Variants in CDK8 observed in about 807,000 individuals in gnomAD.
CDK8 encodes the protein cyclin-dependent kinase 8.
CDK8 carries 29 observed loss-of-function variants against 71.5 expected under a neutral mutation model. The observed-to-expected ratio is 0.41, with a 90% CI of 0.30 to 0.55. The LOEUF is 0.55. Among genes scored for constraint, CDK8 ranks in the 20% least tolerant of loss-of-function variants. CDK8 has a pLI of 0.37. For synonymous variants in CDK8, 161 were observed against 192.1 expected, an observed-to-expected ratio of 0.84 and a Z score of 1.34; for missense variants, 288 against 572.6, an observed-to-expected ratio of 0.50 and a Z score of 5.07.
chr13:26,393,557 G>A (rs751415326), intron 7 of CDK8, 47 bp downstream of exon 7: 1 of 1,586,712 alleles, frequency 6.3e-7, no homozygotes, highest in Non-Finnish European at 8.6e-7. Flanking sequence ...ACTGTTGTTT[G>A]AACTTAGATG....
chr13:26,330,429 T>A (rs1187872073), intron 1 of CDK8, among the ~76,000 whole-genome samples: 1 of 152,178 alleles, frequency 6.6e-6, no homozygotes, highest in Non-Finnish European at 1.5e-5. Flanking sequence ...GGCCTCAAAC[T>A]CCTGACCTCA....
At chr13:26,342,626 G>A (rs1294300711) in intron 2 of CDK8, among the ~76,000 whole-genome samples, 1 of 152,114 alleles carries the variant, frequency 6.6e-6, no homozygotes, top group African/African-American at 2.4e-5. Context: ...TTACTTCAAG[G>A]TAATTGTCCA....
intron 1 of CDK8, among the ~76,000 whole-genome samples, chr13:26,329,244 A>C (rs1214855072): frequency 6.6e-6 from 1 of 152,262 alleles, no homozygotes; most frequent in African/African-American, 2.4e-5. Flanking sequence ...TTTTTTAACC[A>C]ATCCTTTGCG....
intron 6 of CDK8, 61 bp downstream of exon 6, chr13:26,385,403 C>A: frequency 2.3e-5 from 31 of 1,350,216 alleles, no homozygotes; most frequent in Non-Finnish European, 3.1e-5. Context: ...GACACACATT[C>A]CTATATATTT....
Position 26,254,623 on chromosome 13 carries a change from G to T in CDK8, c.-19G>T. Reference sequence around the variant, plus strand: ...CCCCGGCCCCCCGACCCAGCTCTCCGGCCTCAGAGGCTGTGACAATGGACT... The same window carrying T: ...CCCCGGCCCCCCGACCCAGCTCTCCTGCCTCAGAGGCTGTGACAATGGACT... On this transcript the variant is annotated 5_prime_UTR_variant, in exon 1 of 13. Coordinates refer to ENST00000381527, the MANE Select transcript of CDK8 (RefSeq NM_001260.3). This position sits in a 1 kb window ranked among gnomAD's most constrained non-coding sequence, Gnocchi z 6.7. The T allele has an allele frequency of 1.5e-6, 2 of 1,355,052 alleles. No individual in the cohort carries two copies. The highest frequency in any genetic ancestry group is 1.0e-6 in the Non-Finnish European group (1 of 977,104). 83.9% of individuals were successfully genotyped at this position (1,355,052 alleles called of 1,614,324 possible). A position where few individuals can be genotyped will look rare whatever the true frequency, so the allele number is the denominator to read the frequency against.
At chr13:26,399,254 T>TTGC (rs1876142543) in intron 9 of CDK8, among the ~76,000 whole-genome samples, 2 of 152,062 alleles carry the variant, frequency 1.3e-5, no homozygotes, top group Non-Finnish European at 2.9e-5. Flanking sequence ...AGGTGATCCA[T>TTGC]CCACCTTGGC....
chr13:26,283,166 A>G (rs1399626435), intron 1 of CDK8, among the ~76,000 whole-genome samples: 1 of 152,220 alleles, frequency 6.6e-6, no homozygotes, highest in East Asian at 1.9e-4. Context: ...TCAACAAAGA[A>G]TGGACTTAAA....
At chr13:26,310,506 G>A (rs1874233521) in intron 1 of CDK8, among the ~76,000 whole-genome samples, 1 of 152,056 alleles carries the variant, frequency 6.6e-6, no homozygotes, top group African/African-American at 2.4e-5. Flanking sequence ...GGGGGACGGT[G>A]ACAGATCATT....
chr13:26,274,536 A>G (rs1010356853), intron 1 of CDK8, among the ~76,000 whole-genome samples: 114 of 150,990 alleles, frequency 7.6e-4, no homozygotes, highest in African/African-American at 2.0e-3. Context: ...GGTTCATGCC[A>G]TTCTCCTGCC....
intron 1 of CDK8, among the ~76,000 whole-genome samples, chr13:26,336,709 A>G (rs1009363992): frequency 6.6e-6 from 1 of 151,914 alleles, no homozygotes; most frequent in African/African-American, 2.4e-5. Flanking sequence ...GCCCGCCACC[A>G]CACCCGGCTA....
chr13:26,360,706 TG>T (rs2138010038), intron 4 of CDK8, among the ~76,000 whole-genome samples: 1 of 152,352 alleles, frequency 6.6e-6, no homozygotes, highest in South Asian at 2.1e-4. Context: ...GTTTGTTGAA[TG>T]AATGAACTAG....
At chr13:26,255,520 C>T (rs570135597) in intron 1 of CDK8, among the ~76,000 whole-genome samples, 1 of 152,258 alleles carries the variant, frequency 6.6e-6, no homozygotes, top group Non-Finnish European at 1.5e-5. Flanking sequence ...TTAATTAAAC[C>T]TATGACTGGT....
At chr13:26,293,072 T>G (rs560956349) in intron 1 of CDK8, among the ~76,000 whole-genome samples, 4 of 152,230 alleles carry the variant, frequency 2.6e-5, no homozygotes, top group Non-Finnish European at 5.9e-5. Flanking sequence ...AAGAAAGTAC[T>G]TGTCCTTCAA....
chr13:26,355,160 T>C (rs1315161651), intron 4 of CDK8, among the ~76,000 whole-genome samples: 2 of 152,236 alleles, frequency 1.3e-5, no homozygotes, highest in Non-Finnish European at 1.5e-5. Context: ...CTTCTAGCTT[T>C]AGGGAATTGC....
intron 2 of CDK8, among the ~76,000 whole-genome samples, chr13:26,341,256 A>G (rs1340276477): frequency 6.6e-6 from 1 of 152,096 alleles, no homozygotes; most frequent in Non-Finnish European, 1.5e-5. Context: ...CCTCCTGAGT[A>G]GTTAGGATTA....
chr13:26,277,928 A>G (rs1378099830), intron 1 of CDK8, among the ~76,000 whole-genome samples: 1 of 152,190 alleles, frequency 6.6e-6, no homozygotes, highest in African/African-American at 2.4e-5. Flanking sequence ...CTTTACTGTT[A>G]CGTAGAATAG....
chr13:26,262,948 T>C (rs550304664), intron 1 of CDK8, among the ~76,000 whole-genome samples: 1 of 152,346 alleles, frequency 6.6e-6, no homozygotes, highest in East Asian at 1.9e-4. Flanking sequence ...TAACAAATAA[T>C]CATCCTACAG....
At chr13:26,353,638 T>C (rs1340934389) in intron 3 of CDK8, 102 bp from the exon 4 acceptor site, 34 of 889,948 alleles carry the variant, frequency 3.8e-5, no homozygotes, top group Non-Finnish European at 5.4e-5. Context: ...TCAATATCTA[T>C]GGGAATCCCT....
At chr13:26,317,558 A>G (rs746786952) in intron 1 of CDK8, among the ~76,000 whole-genome samples, 13 of 152,340 alleles carry the variant, frequency 8.5e-5, no homozygotes, top group African/African-American at 2.6e-4. Flanking sequence ...TTGAGTCTCA[A>G]TAGTTTTTTA....
Sources: allele counts gnomAD v4.1 joint callset (sites outside exome capture counted in the v4.1 genomes callset), GRCh38; gene constraint gnomAD v4.1.1; non-coding constraint Gnocchi (gnomAD v3.1); transcripts MANE v1.5; gene names NCBI Gene and HGNC (gene_info 2026-07-23, HGNC 2026-07-21).